Variants in CEP120 observed in about 807,000 individuals in gnomAD.
CEP120 encodes the protein centrosomal protein 120.
CEP120 carries 113 observed loss-of-function variants against 126.5 expected under a neutral mutation model. That is an observed-to-expected ratio of 0.89 (90% CI 0.77 to 1.04). The LOEUF (loss-of-function observed/expected upper bound fraction) is 1.04. CEP120 is among the 50% of genes least tolerant of loss of function. The pLI, the probability that CEP120 is intolerant of heterozygous loss-of-function variation, is 0.00. For synonymous variants in CEP120, 400 were observed against 394.3 expected (o/e 1.01, Z -0.17); for missense variants, 1,230 against 1,155.7 (o/e 1.06, Z -0.93).
At chr5:123,379,965 G>A (rs1580679811) in intron 14 of CEP120, among the ~76,000 whole-genome samples, 1 of 152,128 alleles carries the variant, frequency 6.6e-6, no homozygotes, top group African/African-American at 2.4e-5. Flanking sequence ...ACTATCTTCA[G>A]CTATCTGACA....
intron 17 of CEP120, among the ~76,000 whole-genome samples, chr5:123,371,052 A>G (rs1169595559): frequency 6.6e-6 from 1 of 152,014 alleles, no homozygotes; most frequent in African/African-American, 2.4e-5. Flanking sequence ...ACATTCCCCC[A>G]TATGGCCAAA....
intron 16 of CEP120, among the ~76,000 whole-genome samples, chr5:123,375,180 CT>C (rs1417549681): frequency 9.9e-5 from 15 of 152,018 alleles, no homozygotes; most frequent in Non-Finnish European, 1.5e-5. Flanking sequence ...TTCCTACCCC[CT>C]TTTTTTCCCC....
In CEP120 at chr5:123,389,943, G is replaced by A; in HGVS notation, c.1236C>T (p.Asp412=). 1 of 1,613,980 alleles carries A rather than the reference G, an allele frequency of 6.2e-7. No homozygotes were observed. The highest frequency in any genetic ancestry group is 8.5e-7 in the Non-Finnish European group (1 of 1,179,890). Residue 412 remains aspartate, a synonymous_variant, in exon 8 of 20, where the codon GAC becomes GAT. Transcript: ENST00000306467. The stretch of plus-strand genomic sequence containing the variant: ...CCTTACCTTTTGGATTTGGTTTGGT[G>A]TCCTTATCATACTGTAAACTTTCCA... The part of the protein sequence containing the change: ...SEVESLQYDK[D]TKPNPKASSS...
At chr5:123,349,432 ATAT>A (rs1446748544) in intron 19 of CEP120, among the ~76,000 whole-genome samples, 2 of 152,196 alleles carry the variant, frequency 1.3e-5, no homozygotes, top group Admixed American at 1.3e-4. Flanking sequence ...ATTGTTACAG[ATAT>A]TAATAATATA....
intron 18 of CEP120, among the ~76,000 whole-genome samples, chr5:123,356,743 T>G (rs1769659772): frequency 6.6e-6 from 1 of 151,906 alleles, no homozygotes; most frequent in Admixed American, 6.6e-5. Context: ...CAACATACTT[T>G]AAACATTTCA....
At chr5:123,395,680 C>A (rs1481436067) in intron 5 of CEP120, among the ~76,000 whole-genome samples, 1 of 134,270 alleles carries the variant, frequency 7.4e-6, no homozygotes, top group Non-Finnish European at 1.6e-5. Context: ...GTACTTCATT[C>A]CTTTTTTTTT....
intron 19 of CEP120, among the ~76,000 whole-genome samples, chr5:123,348,807 T>C (rs1254155356): frequency 2.6e-5 from 4 of 152,178 alleles, no homozygotes; most frequent in Non-Finnish European, 5.9e-5. Context: ...GGGTGAACTC[T>C]CATCATGGGA....
At chr5:123,373,671 ATG>A (rs1271057832) in intron 16 of CEP120, among the ~76,000 whole-genome samples, 1 of 152,084 alleles carries the variant, frequency 6.6e-6, no homozygotes, top group Non-Finnish European at 1.5e-5. Flanking sequence ...CTCTTTACAG[ATG>A]TGATTGTCCT....
intron 9 of CEP120, among the ~76,000 whole-genome samples, chr5:123,388,114 C>G (rs1028771853): frequency 5.3e-5 from 8 of 151,900 alleles, no homozygotes; most frequent in Admixed American, 5.2e-4. Flanking sequence ...AAGCACTTTT[C>G]AAGTTTAAGA....
At chr5:123,380,855 A>C (rs1771589607) in intron 14 of CEP120, among the ~76,000 whole-genome samples, 1 of 152,120 alleles carries the variant, frequency 6.6e-6, no homozygotes, top group Non-Finnish European at 1.5e-5. Context: ...TATGAAACTC[A>C]CTTAATAACA....
In CEP120 at chr5:123,349,424, T is replaced by A. The variant is rs527713120; in HGVS notation, c.2726+520A>T. Among the ~76,000 whole-genome samples the A allele has an allele frequency of 1.5e-4, 23 of 152,296 alleles. No homozygotes were observed. The South Asian group carries it at 2.5e-3, about 16-fold the overall frequency. On this transcript the variant is annotated intron_variant, in intron 19 of 19. Transcript: ENST00000306467. ...AAAGTAAGAGCTCATTAAGAGCTAT[T>A]GTTACAGATATTAATAATATAACAA...
rs1772369872 is a variant in CEP120, at chr5:123,391,164, T to A, written c.984A>T (p.Leu328=). Residue 328 remains leucine, a synonymous_variant, in exon 7 of 20, where the codon CTA becomes CTT. Coordinates refer to ENST00000306467, the MANE Select transcript of CEP120 (RefSeq NM_001375405.1). ...KQKLAPIPVE[L]APTVGVSVAL... is the part of the protein sequence containing the mutation. ...CCACAGACACTCCCACAGTTGGGGC[T>A]AGCTCCACAGGAATAGGTGCAAGCT... 5 of 1,614,100 alleles carry A rather than the reference T, an allele frequency of 3.1e-6. No homozygotes were observed. In the South Asian group the frequency reaches 5.5e-5, roughly 18 times the overall value.
chr5:123,388,114 CAAGTTT>C (rs968549005), intron 9 of CEP120, among the ~76,000 whole-genome samples: 1 of 151,904 alleles, frequency 6.6e-6, no homozygotes, highest in Non-Finnish European at 1.5e-5. Context: ...AAGCACTTTT[CAAGTTT>C]AAGAGGCACT....
At chr5:123,351,113 T>C (rs1769170878) in intron 18 of CEP120, among the ~76,000 whole-genome samples, 1 of 152,200 alleles carries the variant, frequency 6.6e-6, no homozygotes, top group Admixed American at 6.6e-5. Flanking sequence ...TACATTTTGA[T>C]ATACTTTCAC....
intron 18 of CEP120, among the ~76,000 whole-genome samples, chr5:123,364,102 G>T (rs937961778): frequency 5.9e-5 from 9 of 151,426 alleles, no homozygotes; most frequent in African/African-American, 2.2e-4. Context: ...GAATTACTGT[G>T]TCTTAAGAAT....
intron 18 of CEP120, among the ~76,000 whole-genome samples, chr5:123,361,416 G>C (rs187061182): frequency 6.6e-6 from 1 of 151,884 alleles, no homozygotes; most frequent in East Asian, 1.9e-4. Context: ...CATTGTGCAA[G>C]GTGCATAGCA....
intron 4 of CEP120, chr5:123,402,029 G>A: frequency 6.2e-7 from 1 of 1,603,372 alleles, no homozygotes. Flanking sequence ...CCTTGTCTAT[G>A]AAGGAGGCAA....
Position 123,412,475 on chromosome 5 carries a change from A to G in CEP120, c.387T>C (p.Ser129=). The stretch of plus-strand genomic sequence containing the variant: ...GCTTTGTATCGGTTTCCAAAGCAAT[A>G]CTTATCTGTATCTCAGACTTGAATT... The part of the protein sequence containing the change: ...YTKFKSEIQI[S]IALETDTKPP... The change falls in exon 4 of 20, where the codon AGT becomes AGC. Residue 129 remains serine (S), a synonymous_variant. Transcript: ENST00000306467. 1 of 1,612,148 alleles carries G rather than the reference A, an allele frequency of 6.2e-7. No individual in the cohort carries two copies. The highest frequency in any genetic ancestry group is 1.3e-5 in the African/African-American group (1 of 74,988).
chr5:123,378,394 T>C lies in CEP120; in HGVS notation c.2138A>G (p.Gln713Arg), dbSNP rs1204563273. 1.2e-6 allele frequency: 2 copies of C among 1,608,154 alleles called. No homozygotes were observed. The highest frequency in any genetic ancestry group is 2.2e-5 in the East Asian group (1 of 44,600). The change falls in exon 15 of 20, where the codon CAA (glutamine) becomes CGA (arginine). Residue 713 changes from glutamine to arginine, a missense_variant. Coordinates refer to ENST00000306467, the MANE Select transcript of CEP120 (RefSeq NM_001375405.1). ...CTTCTCCAAGTCAATTAGAGTTTTT[T>C]GAAGTTTTCCTTCTAGAATAGTATA... Reference protein sequence around the residue: ...AEYTILEGKLQKTLIDLEKRE... With the variant: ...AEYTILEGKLRKTLIDLEKRE...
Sources: gnomAD v4.1 joint callset for allele counts (sites outside exome capture counted in the v4.1 genomes callset) on GRCh38, gnomAD v4.1.1 for gene constraint, MANE v1.5 for transcripts, NCBI Gene and HGNC (gene_info 2026-07-23, HGNC 2026-07-21) for gene names.